Variants in PAIP1 observed in about 807,000 individuals in gnomAD.
PAIP1 encodes polyadenylate-binding protein-interacting protein 1.
Under a neutral mutation model 61.3 loss-of-function variants are expected in PAIP1, and 16 were observed. That is an observed-to-expected ratio of 0.26 (90% CI 0.18 to 0.40). PAIP1 has a LOEUF of 0.40. PAIP1 is among the 10% of genes least tolerant of loss of function. The pLI, the probability that PAIP1 is intolerant of heterozygous loss-of-function variation, is 1.00. For synonymous variants in PAIP1, 187 were observed against 226.2 expected (o/e 0.83, Z 1.56); for missense variants, 416 against 600.9 (o/e 0.69, Z 3.22).
chr5:43,557,257 C>T (rs544861117), upstream of PAIP1: 1,113 of 158,422 alleles, frequency 7.0e-3, 55 homozygotes, highest in Admixed American at 0.065. Flanking sequence ...CCTGCCGGCC[C>T]GCAGCCAGGC....
chr5:43,556,014 A>C lies in PAIP1; in HGVS notation c.266-15T>G. ...CCTCGTTTGCTCTGCAAAAGAAAAA[A>C]AAACGGGGCGTCAGATGCATTCTTT... On this transcript the variant is annotated splice_polypyrimidine_tract_variant and intron_variant, in intron 1 of 10. Coordinates refer to ENST00000306846, the MANE Select transcript of PAIP1 (RefSeq NM_006451.5). The C allele has an allele frequency of 6.2e-7, 1 of 1,603,918 alleles. No homozygotes were observed. Among genetic ancestry groups the C allele is most frequent in the Non-Finnish European group, 8.5e-7 (1 of 1,177,182 alleles).
chr5:43,529,721 G>C (rs1300121727), intron 10 of PAIP1, 65 bp downstream of exon 10: 2 of 870,626 alleles, frequency 2.3e-6, no homozygotes, highest in East Asian at 4.8e-5. Flanking sequence ...GAGCTACTTT[G>C]TCTAATCTCC....
intron 2 of PAIP1, among the ~76,000 whole-genome samples, chr5:43,555,121 T>C (rs1267457595): frequency 6.6e-6 from 1 of 152,196 alleles, no homozygotes; most frequent in Non-Finnish European, 1.5e-5. Context: ...CAAGAACAAC[T>C]GGAAGGAGAC....
At chr5:43,556,218 G>GT in intron 1 of PAIP1, 1 of 1,301,306 alleles carries the variant, frequency 7.7e-7, no homozygotes, top group Non-Finnish European at 9.7e-7. Flanking sequence ...TCTCAAATGA[G>GT]TGCTTGCGAG....
intron 2 of PAIP1, 42 bp from the exon 3 acceptor site, chr5:43,547,955 T>C: frequency 7.6e-7 from 1 of 1,311,890 alleles, no homozygotes. Context: ...TCTATGCAAC[T>C]GGCTAAAACA....
At chr5:43,536,267 C>T (rs774562297) in intron 6 of PAIP1, among the ~76,000 whole-genome samples, 2 of 152,258 alleles carry the variant, frequency 1.3e-5, no homozygotes, top group African/African-American at 2.4e-5. Context: ...CCACCAAATC[C>T]GTGTTTAAGA....
chr5:43,540,389 CT>C (rs5867637), intron 4 of PAIP1, among the ~76,000 whole-genome samples: 61,813 of 151,670 alleles, frequency 0.41, 14,666 homozygotes, highest in East Asian at 0.78. Context: ...GATGAAATAA[CT>C]TTTTTTTTCA....
intron 10 of PAIP1, among the ~76,000 whole-genome samples, chr5:43,528,968 T>C (rs10071090): frequency 6.6e-6 from 1 of 152,096 alleles, no homozygotes; most frequent in Non-Finnish European, 1.5e-5. Context: ...AAGAAACAGA[T>C]ATATAAACAG....
At chr5:43,538,274 A>T (rs1170671713) in intron 5 of PAIP1, among the ~76,000 whole-genome samples, 3 of 152,122 alleles carry the variant, frequency 2.0e-5, no homozygotes, top group African/African-American at 7.2e-5. Context: ...AGTTCAAGAG[A>T]TCTCTTGTAC....
chr5:43,556,979 GC>G lies in PAIP1; in HGVS notation c.-134del. On this transcript the variant is annotated 5_prime_UTR_variant, in exon 1 of 11. Coordinates refer to ENST00000306846, the MANE Select transcript of PAIP1 (RefSeq NM_006451.5). ...GCCTCATGGAGGAGGAGGGCGGCGG[GC>G]CCCGGCTCGGCTGCTCGGTGCTTCT... The G allele has an allele frequency of 8.1e-7, 1 of 1,240,130 alleles. No individual in the cohort carries two copies. Among genetic ancestry groups the G allele is most frequent in the Non-Finnish European group, 1.0e-6 (1 of 988,644 alleles). The allele number at this position is 1,240,130 out of a possible 1,614,324, so 76.8% of individuals were successfully genotyped here.
At chr5:43,535,010 A>C in intron 7 of PAIP1, 40 bp from the exon 8 acceptor site, 1 of 1,073,634 alleles carries the variant, frequency 9.3e-7, no homozygotes. Context: ...TATCCACCAT[A>C]AGGGCTGTCA....
chr5:43,542,892 G>C, intron 4 of PAIP1, 112 bp downstream of exon 4: 3 of 583,662 alleles, frequency 5.1e-6, no homozygotes, highest in Non-Finnish European at 9.3e-6. Context: ...ATGCACATAA[G>C]AATAGGCTGC....
At chr5:43,530,978 C>T (rs1746906229) in intron 9 of PAIP1, among the ~76,000 whole-genome samples, 1 of 151,998 alleles carries the variant, frequency 6.6e-6, no homozygotes, top group South Asian at 2.1e-4. Flanking sequence ...AACCTGGGAC[C>T]CTCAAAGGTC....
In PAIP1 at chr5:43,556,037, T is replaced by C. The variant is rs1480595331; in HGVS notation, c.266-38A>G. On this transcript the variant is annotated intron_variant, in intron 1 of 10. Transcript: ENST00000306846. ...AAAAAACGGGGCGTCAGATGCATTCTTTCCTTTGTACAGCAACTTGCTATA... is the reference window on the plus strand; with the variant it reads ...AAAAAACGGGGCGTCAGATGCATTCCTTCCTTTGTACAGCAACTTGCTATA... 4.4e-6 allele frequency: 7 copies of C among 1,599,530 alleles called. No individual in the cohort carries two copies. In the South Asian group the frequency reaches 6.8e-5, roughly 15 times the overall value.
At chr5:43,536,586 A>C (rs1417274078) in intron 6 of PAIP1, among the ~76,000 whole-genome samples, 1 of 152,208 alleles carries the variant, frequency 6.6e-6, no homozygotes, top group African/African-American at 2.4e-5. Context: ...GGAAGAAGAC[A>C]GAATTTGCAA....
intron 3 of PAIP1, 74 bp from the exon 4 acceptor site, chr5:43,543,190 T>C (rs924347096): frequency 2.8e-6 from 2 of 704,190 alleles, no homozygotes; most frequent in African/African-American, 3.7e-5. Flanking sequence ...AGCAACATTC[T>C]AAAGAAGAAA....
intron 2 of PAIP1, among the ~76,000 whole-genome samples, chr5:43,551,479 A>T (rs1012468655): frequency 3.9e-5 from 6 of 152,228 alleles, no homozygotes; most frequent in African/African-American, 1.4e-4. Context: ...GACATTATAA[A>T]GTTGTGAAAG....
At chr5:43,538,868 A>G (rs1008648780) in intron 5 of PAIP1, 56 bp downstream of exon 5, 2 of 843,864 alleles carry the variant, frequency 2.4e-6, no homozygotes, top group African/African-American at 1.7e-5. Context: ...TTCCTCATTG[A>G]GATCAACTTA....
intron 7 of PAIP1, 85 bp downstream of exon 7, chr5:43,535,449 G>T: frequency 1.3e-6 from 1 of 760,786 alleles, no homozygotes; most frequent in Non-Finnish European, 2.3e-6. Context: ...TTACCCTGCT[G>T]AAGTATAGCA....
Sources: gnomAD v4.1 joint callset for allele counts (sites outside exome capture counted in the v4.1 genomes callset) on GRCh38, gnomAD v4.1.1 for gene constraint, MANE v1.5 for transcripts, NCBI Gene and HGNC (gene_info 2026-07-23, HGNC 2026-07-21) for gene names.